Variants in GAB4 observed in about 807,000 individuals in gnomAD.
GAB4 encodes the protein GRB2-associated-binding protein 4.
Under a neutral mutation model 51.3 loss-of-function variants are expected in GAB4, and 26 were observed. The ratio of observed to expected loss-of-function variants is 0.51; its 90% CI spans 0.37 to 0.70. The LOEUF is 0.70. GAB4 is among the 30% of genes least tolerant of loss of function. The pLI, the probability that GAB4 is intolerant of heterozygous loss-of-function variation, is 0.00. For missense variants in GAB4, 759 were observed against 734.6 expected (o/e 1.03, Z -0.38); for synonymous variants, 329 against 291.2 (o/e 1.13, Z -1.32).
At position 16,987,937 on chromosome 22, in the gene GAB4, C is replaced by T. The variant is rs1163008452; in HGVS notation, c.686+23G>A. 3 of 1,565,944 alleles carry T rather than the reference C, an allele frequency of 1.9e-6. No homozygotes were observed. In the Admixed American group the frequency reaches 5.7e-5, roughly 30 times the overall value. On this transcript the variant is annotated intron_variant, in intron 3 of 9. Transcript: ENST00000400588. ...AAGACCTTGTGGGGGTCACTGCCCC[C>T]ACTGGCCATAGTAGCCCCCTACCTT...
chr22:16,987,832 A>C (rs1490702688), intron 3 of GAB4, 128 bp downstream of exon 3: 2 of 687,886 alleles, frequency 2.9e-6, no homozygotes, highest in Non-Finnish European at 4.8e-6. Context: ...ATGTTGTTAT[A>C]TATGTTTGCT....
At chr22:16,981,776 T>A in intron 3 of GAB4, among the ~76,000 whole-genome samples, 1 of 152,052 alleles carries the variant, frequency 6.6e-6, no homozygotes, top group East Asian at 1.9e-4. Context: ...TGAAGCACTA[T>A]CCTGATACCA....
At chr22:16,976,062 G>A (rs775691363) in intron 3 of GAB4, among the ~76,000 whole-genome samples, 3 of 152,080 alleles carry the variant, frequency 2.0e-5, no homozygotes, top group Admixed American at 6.5e-5. Context: ...ACAAATTGAC[G>A]AAGATGAGGA....
At position 16,966,250 on chromosome 22, in the gene GAB4, G is replaced by C. The variant is rs2060672547; in HGVS notation, c.1138C>G (p.Gln380Glu). 1.2e-6 allele frequency: 2 copies of C among 1,613,672 alleles called. No homozygotes were observed. Among genetic ancestry groups the C allele is most frequent in the Non-Finnish European group, 1.7e-6 (2 of 1,179,662 alleles). Reference protein sequence around the residue: ...PAVKQAGDDSQGVCIPVGSCL... With the variant: ...PAVKQAGDDSEGVCIPVGSCL... Reference sequence around the variant, plus strand: ...GAGCCCACAGGGATGCAGACACCCTGGGAATCATCGCCTGCTTGCTTCACA... The same window carrying C: ...GAGCCCACAGGGATGCAGACACCCTCGGAATCATCGCCTGCTTGCTTCACA... The change falls in exon 6 of 10, where the codon CAG (glutamine) becomes GAG (glutamate). Residue 380 changes from glutamine (Q) to glutamate (E), a missense_variant. Gln to Glu is a conservative substitution (Grantham distance 29). Coordinates refer to ENST00000400588, the MANE Select transcript of GAB4 (RefSeq NM_001037814.1).
rs773477791 is a variant in GAB4 at position 17,007,992 on chromosome 22, C to T, written c.123G>A (p.Leu41=). Residue 41 remains leucine, a synonymous_variant, in exon 1 of 10, where the codon CTG becomes CTA. Coordinates refer to ENST00000400588, the MANE Select transcript of GAB4 (RefSeq NM_001037814.1). The stretch of plus-strand genomic sequence containing the variant: ...GCGACTTCCTCAGCCAGCCGCTGTA[C>T]AGCACGTGGCCACTTCTCGTGCTTC... The part of the protein sequence containing the change: ...AGGSTRSGHV[L]YSGWLRKSPP... 1.9e-6 allele frequency: 3 copies of T among 1,612,638 alleles called. No individual in the cohort carries two copies. The African/African-American group carries it at 4.0e-5, about 22-fold the overall frequency.
Position 16,964,786 on chromosome 22 carries a change from C to T in GAB4, c.1456G>A (p.Gly486Arg). The T allele has an allele frequency of 6.2e-7, 1 of 1,613,616 alleles. No homozygotes were observed. The highest frequency in any genetic ancestry group is 8.5e-7 in the Non-Finnish European group (1 of 1,179,562). Residue 486 changes from glycine to arginine, a missense_variant, in exon 8 of 10, where the codon GGA becomes AGA. Coordinates refer to ENST00000400588, the MANE Select transcript of GAB4 (RefSeq NM_001037814.1). ...CTCACCGGGAAAAGATACCTCTCTC[C>T]ACTGTCTTCTGAGTCTGTGTTGGTG... ...SITNTDSEDS[G>R]ERYLFPNPAS...
At chr22:16,964,946 C>A (rs1292354387) in intron 7 of GAB4, 84 bp from the exon 8 acceptor site, 14 of 1,029,090 alleles carry the variant, frequency 1.4e-5, no homozygotes, top group Non-Finnish European at 1.9e-5. Flanking sequence ...TGGGCCCTGA[C>A]TTCAAGCATC....
intron 1 of GAB4, among the ~76,000 whole-genome samples, chr22:17,001,006 C>G (rs1244638858): frequency 3.3e-5 from 5 of 152,190 alleles, no homozygotes; most frequent in South Asian, 4.1e-4. Flanking sequence ...GCCGAGAGAT[C>G]AGCTGTTAGT....
rs749218566 is a variant in GAB4, at chr22:16,991,861, G to A, written c.478+12C>T. The stretch of plus-strand genomic sequence containing the variant: ...AGCCCCTCCTGAGACAGGGCTGTGT[G>A]TGCTCCCATACCTGTGCTTTCCTCC... On this transcript the variant is annotated intron_variant, in intron 2 of 9. Coordinates refer to ENST00000400588, the MANE Select transcript of GAB4 (RefSeq NM_001037814.1). The A allele has an allele frequency of 6.2e-7, 1 of 1,601,730 alleles. No homozygotes were observed. The highest frequency in any genetic ancestry group is 1.1e-5 in the South Asian group (1 of 89,278).
At chr22:16,978,521 G>A (rs569068096) in intron 3 of GAB4, among the ~76,000 whole-genome samples, 2 of 152,180 alleles carry the variant, frequency 1.3e-5, no homozygotes, top group Non-Finnish European at 2.9e-5. Flanking sequence ...AACAAGTTCT[G>A]AAATTGAGGC....
chr22:16,989,393 AG>A (rs2060895052), intron 2 of GAB4, among the ~76,000 whole-genome samples: 1 of 152,218 alleles, frequency 6.6e-6, no homozygotes, highest in Admixed American at 6.5e-5. Context: ...TCATGGCCTG[AG>A]GCAGGAACCC....
At chr22:17,002,069 C>A (rs1211497204) in intron 1 of GAB4, among the ~76,000 whole-genome samples, 1 of 152,144 alleles carries the variant, frequency 6.6e-6, no homozygotes, top group Admixed American at 6.5e-5. Context: ...GTTATGGCTT[C>A]CCTTTGCCAG....
Position 16,992,153 on chromosome 22 carries a change from GATAAACCA to G in GAB4, c.190_197del (p.Trp64ProfsTer7), listed in dbSNP as rs775574212. 25 of 1,610,368 alleles carry G rather than the reference GATAAACCA, an allele frequency of 1.6e-5. No individual in the cohort carries two copies. The highest frequency in any genetic ancestry group is 4.2e-6 in the Non-Finnish European group (5 of 1,177,132). ...CACTGCTAGTCTGGCCCCTCCGCAG[GATAAACCA>G]GCGTTTCCTCCAGGCCTAAGGAAGG... On this transcript the variant is annotated frameshift_variant, in exon 2 of 10. Transcript: ENST00000400588. LOFTEE classifies it high-confidence loss of function.
At chr22:16,999,477 G>A (rs1164194016) in intron 1 of GAB4, among the ~76,000 whole-genome samples, 1 of 152,120 alleles carries the variant, frequency 6.6e-6, no homozygotes, top group Non-Finnish European at 1.5e-5. Flanking sequence ...CTGTGGGATT[G>A]GTGGTGATAT....
intron 3 of GAB4, among the ~76,000 whole-genome samples, chr22:16,982,844 G>T (rs1265062595): frequency 6.6e-6 from 1 of 152,182 alleles, no homozygotes; most frequent in East Asian, 1.9e-4. Flanking sequence ...AGGGTCCAGG[G>T]TCTAAAACCC....
rs115602817 is a variant in GAB4 at position 16,963,858 on chromosome 22, A to G, written c.1477-29T>C. 3.5e-3 allele frequency: 5,475 copies of G among 1,571,274 alleles called. 160 individuals are homozygous for G. In the African/African-American group the frequency reaches 0.066, roughly 19 times the overall value. On this transcript the variant is annotated intron_variant, in intron 8 of 9. Coordinates refer to ENST00000400588, the MANE Select transcript of GAB4 (RefSeq NM_001037814.1). Reference sequence around the variant, plus strand: ...CTGTCACAAGGAGGAAAATCCTGCAAATGAGTTCAGGACACAGACCCAGCA... The same window carrying G: ...CTGTCACAAGGAGGAAAATCCTGCAGATGAGTTCAGGACACAGACCCAGCA...
At chr22:16,983,949 A>G (rs5746953) in intron 3 of GAB4, among the ~76,000 whole-genome samples, 53,400 of 152,038 alleles carry the variant, frequency 0.35, 9,703 homozygotes, top group South Asian at 0.46. Context: ...AAAACTGACA[A>G]ATGGGATTAT....
In GAB4 at chr22:16,992,148, C is replaced by T. The variant is rs1380351237; in HGVS notation, c.203G>A (p.Arg68Gln). ...TGGGTCACTGCTAGTCTGGCCCCTCCGCAGGATAAACCAGCGTTTCCTCCA... is the reference window on the plus strand; with the variant it reads ...TGGGTCACTGCTAGTCTGGCCCCTCTGCAGGATAAACCAGCGTTTCCTCCA... ...FAWRKRWFIL[R>Q]RGQTSSDPDV... Residue 68 changes from arginine to glutamine, a missense_variant, in exon 2 of 10, where the codon CGG becomes CAG. Physicochemically the swap from Arg to Gln is conservative, Grantham distance 43. Around this residue, in one of 3 missense-constraint regions of GAB4, gnomAD observed 88 missense variants for 151.3 expected, o/e 0.58. Transcript: ENST00000400588. The T allele has an allele frequency of 6.2e-7, 1 of 1,612,192 alleles. No individual in the cohort carries two copies. The highest frequency in any genetic ancestry group is 2.2e-5 in the East Asian group (1 of 44,852).
In GAB4 at chr22:16,966,340, A is replaced by G. The variant is rs531322705; in HGVS notation, c.1048T>C (p.Ser350Pro). 1.2e-6 allele frequency: 2 copies of G among 1,613,194 alleles called. No individual in the cohort carries two copies. Among genetic ancestry groups the G allele is most frequent in the South Asian group, 1.1e-5 (1 of 91,068 alleles). Residue 350 changes from serine to proline, a missense_variant, in exon 6 of 10, where the codon TCA becomes CCA. By Grantham distance (74) the Ser-to-Pro change is moderately conservative. Coordinates refer to ENST00000400588, the MANE Select transcript of GAB4 (RefSeq NM_001037814.1). Reference protein sequence around the residue: ...FLPGRTLVGLSDSIASEGSCV... With the variant: ...FLPGRTLVGLPDSIASEGSCV... Reference sequence around the variant, plus strand: ...CTGCCCTCAGAAGCAATGCTGTCTGACAGGCCCACAAGCGTTCTTCCTGGC... The same window carrying G: ...CTGCCCTCAGAAGCAATGCTGTCTGGCAGGCCCACAAGCGTTCTTCCTGGC...
Sources: allele counts gnomAD v4.1 joint callset (sites outside exome capture counted in the v4.1 genomes callset), GRCh38; gene constraint gnomAD v4.1.1; regional missense constraint gnomAD v4.1.1; transcripts MANE v1.5; gene names NCBI Gene and HGNC (gene_info 2026-07-23, HGNC 2026-07-21).